SPATS2L: variants seen among roughly 807,000 people sequenced by gnomAD.
SPATS2L encodes the protein spermatogenesis associated serine rich 2 like, also known as SPATS2-like protein.
SPATS2L carries 30 observed loss-of-function variants against 59.6 expected under a neutral mutation model. The observed-to-expected ratio is 0.50, with a 90% CI of 0.38 to 0.68. The LOEUF is 0.68. Ranked by LOEUF, SPATS2L falls within the 30% of genes least tolerant of loss-of-function variation. SPATS2L has a pLI of 0.00. For missense variants in SPATS2L, 615 were observed against 700.0 expected (o/e 0.88, Z 1.37); for synonymous variants, 252 against 263.5 (o/e 0.96, Z 0.42).
chr2:200,460,154 TA>T (rs1211084057), intron 9 of SPATS2L, among the ~76,000 whole-genome samples: 4 of 152,332 alleles, frequency 2.6e-5, no homozygotes, highest in African/African-American at 9.6e-5. Context: ...TAATTGGATT[TA>T]AAATGACACT....
At chr2:200,428,232 C>G (rs1038643324) in intron 6 of SPATS2L, among the ~76,000 whole-genome samples, 1 of 152,226 alleles carries the variant, frequency 6.6e-6, no homozygotes, top group Non-Finnish European at 1.5e-5. Context: ...ATAAACTGCT[C>G]TAGGTAAGCT....
Position 200,467,354 on chromosome 2 carries a change from T to G in SPATS2L, c.912T>G (p.Ser304Arg). ...TAAAGAGACTCACTGACCTTGCCAG[T>G]CAGATGGCAGAGATGCAGCTGGCCG... is the stretch of plus-strand genomic sequence containing the variant. ...EELKRLTDLA[S>R]QMAEMQLAEL... The change falls in exon 10 of 13, where the codon AGT (serine) becomes AGG (arginine). Residue 304 changes from serine (S) to arginine (R), a missense_variant. Transcript: ENST00000409140. 1 of 1,613,992 alleles carries G rather than the reference T, an allele frequency of 6.2e-7. No homozygotes were observed. The highest frequency in any genetic ancestry group is 8.5e-7 in the Non-Finnish European group (1 of 1,179,862).
chr2:200,454,794 C>T (rs3769437), intron 8 of SPATS2L, among the ~76,000 whole-genome samples: 135,445 of 152,242 alleles, frequency 0.89, 61,159 homozygotes, highest in Non-Finnish European at 0.96. Flanking sequence ...ACACGTTTGA[C>T]GTGCCTGGTG....
At chr2:200,378,839 TTA>T (rs757186226) in intron 2 of SPATS2L, among the ~76,000 whole-genome samples, 53 of 152,256 alleles carry the variant, frequency 3.5e-4, no homozygotes, top group Non-Finnish European at 6.0e-4. Context: ...TGGTTCAGAG[TTA>T]TATTGCAGAA....
chr2:200,365,967 G>A (rs189517354), intron 2 of SPATS2L, among the ~76,000 whole-genome samples: 94 of 152,304 alleles, frequency 6.2e-4, no homozygotes, highest in African/African-American at 2.2e-3. Flanking sequence ...TTTCTTGAAT[G>A]AGTAAGAATG....
intron 2 of SPATS2L, among the ~76,000 whole-genome samples, chr2:200,338,900 C>G (rs913678381): frequency 6.6e-6 from 1 of 152,194 alleles, no homozygotes; most frequent in Non-Finnish European, 1.5e-5. Context: ...GCACAAATTT[C>G]TCATCAAAGC....
At chr2:200,349,509 A>G (rs2080644259) in intron 2 of SPATS2L, among the ~76,000 whole-genome samples, 1 of 152,234 alleles carries the variant, frequency 6.6e-6, no homozygotes, top group South Asian at 2.1e-4. Context: ...GTGATGGCAC[A>G]TGCCTGTAAT....
chr2:200,462,274 C>T (rs1227960156), intron 9 of SPATS2L, among the ~76,000 whole-genome samples: 1 of 152,208 alleles, frequency 6.6e-6, no homozygotes, highest in East Asian at 1.9e-4. Flanking sequence ...ACATGATAGT[C>T]TTTGATGCCA....
chr2:200,387,006 G>A (rs1559087379), intron 2 of SPATS2L, among the ~76,000 whole-genome samples: 1 of 152,126 alleles, frequency 6.6e-6, no homozygotes, highest in Non-Finnish European at 1.5e-5. Flanking sequence ...ACCGACCAAA[G>A]GCTTTACTTT....
chr2:200,400,226 C>T (rs970631629), intron 3 of SPATS2L, among the ~76,000 whole-genome samples: 1 of 152,156 alleles, frequency 6.6e-6, no homozygotes, highest in Non-Finnish European at 1.5e-5. Context: ...AGTGGCTAGA[C>T]AGAATATTTA....
intron 8 of SPATS2L, among the ~76,000 whole-genome samples, chr2:200,452,837 C>T (rs1257550004): frequency 6.6e-6 from 1 of 151,870 alleles, no homozygotes; most frequent in Non-Finnish European, 1.5e-5. Context: ...TACCAAATAA[C>T]ACTGTTAAAC....
intron 2 of SPATS2L, among the ~76,000 whole-genome samples, chr2:200,360,275 A>C (rs146880604): frequency 1.3e-5 from 2 of 152,322 alleles, no homozygotes; most frequent in Non-Finnish European, 2.9e-5. Flanking sequence ...GTGCCAGGTA[A>C]TGTTGAGAGA....
intron 2 of SPATS2L, among the ~76,000 whole-genome samples, chr2:200,382,345 G>C (rs1463376904): frequency 6.6e-6 from 1 of 152,188 alleles, no homozygotes; most frequent in Non-Finnish European, 1.5e-5. Flanking sequence ...AAAATGCTGG[G>C]ATTATAGGAG....
At chr2:200,457,474 T>C (rs147114076) in intron 8 of SPATS2L, among the ~76,000 whole-genome samples, 112 of 152,350 alleles carry the variant, frequency 7.4e-4, no homozygotes, top group Non-Finnish European at 1.2e-3. Context: ...GATAAAGAGT[T>C]CCTTCTCACT....
intron 6 of SPATS2L, among the ~76,000 whole-genome samples, chr2:200,425,706 ATTC>A (rs1376399843): frequency 2.0e-5 from 3 of 152,334 alleles, no homozygotes; most frequent in African/African-American, 7.2e-5. Flanking sequence ...TGTGTCAGGA[ATTC>A]TTCTACAGGA....
Position 200,481,711 on chromosome 2 carries a change from C to G in SPATS2L, c.*3680C>G, listed in dbSNP as rs570064171. ...GTACGCGTTTTTTGAGATGGAGTCT[C>G]GCTCTGTCGCCCAGGCTGGAGTGCA... is the stretch of plus-strand genomic sequence containing the variant. On this transcript the variant is annotated 3_prime_UTR_variant, in exon 13 of 13. Coordinates refer to ENST00000409140, the MANE Select transcript of SPATS2L (RefSeq NM_001100423.2). 1 of 152,398 alleles carries G rather than the reference C, an allele frequency of 6.6e-6. No individual in the cohort carries two copies. 9.4% of individuals were successfully genotyped at this position (152,398 alleles called of 1,614,324 possible). A position where few individuals can be genotyped will look rare whatever the true frequency, so the allele number is the denominator to read the frequency against.
At chr2:200,389,396 T>G (rs901279894) in intron 3 of SPATS2L, 113 bp downstream of exon 3, 5 of 700,946 alleles carry the variant, frequency 7.1e-6, no homozygotes, top group Non-Finnish European at 1.2e-5. Context: ...GGGGGATACG[T>G]AGTAAGTTTG....
chr2:200,352,311 TTTTATATATATATATATATATATATA>T lies in SPATS2L; in HGVS notation c.-23+22833_-23+22858del, dbSNP rs1311023865. Among the ~76,000 whole-genome samples, 130 of 121,978 alleles carry T rather than the reference TTTTATATATATATATATATATATATA, an allele frequency of 1.1e-3. 8 individuals carry two copies. Among genetic ancestry groups the T allele is most frequent in the African/African-American group, 3.6e-3 (77 of 21,620 alleles). 80.0% of individuals were successfully genotyped at this position (121,978 alleles called of 152,430 possible). ...GTTTTGAGGCTATATAACCAGCAGTTTTTATATATATATATATATATATATATATATATATATATATATATATATAT... is the reference window on the plus strand; with the variant it reads ...GTTTTGAGGCTATATAACCAGCAGTTTATATATATATATATATATATATAT... On this transcript the variant is annotated intron_variant, in intron 2 of 12. Coordinates refer to ENST00000409140, the MANE Select transcript of SPATS2L (RefSeq NM_001100423.2).
chr2:200,334,680 G>A (rs1283172800), intron 2 of SPATS2L, among the ~76,000 whole-genome samples: 1 of 150,520 alleles, frequency 6.6e-6, no homozygotes, highest in African/African-American at 2.4e-5. Context: ...ATCTTGAATT[G>A]ATTTTTGTAT....
Sources: gnomAD v4.1 joint callset for allele counts (sites outside exome capture counted in the v4.1 genomes callset) on GRCh38, gnomAD v4.1.1 for gene constraint, MANE v1.5 for transcripts, NCBI Gene and HGNC (gene_info 2026-07-23, HGNC 2026-07-21) for gene names.